The following SHISA9 variants were observed in gnomAD, a reference collection of about 807,000 sequenced individuals.
SHISA9 encodes the protein protein shisa-9.
In SHISA9, 13 loss-of-function variants were observed where a neutral mutation model predicts 38.0. That is an observed-to-expected ratio of 0.34 (90% CI 0.22 to 0.54). The LOEUF (loss-of-function observed/expected upper bound fraction) is 0.54. Ranked by LOEUF, SHISA9 falls within the 20% of genes least tolerant of loss-of-function variation. SHISA9 has a pLI of 0.91. For synonymous variants in SHISA9, 275 were observed against 242.0 expected, an observed-to-expected ratio of 1.14 and a Z score of -1.27; for missense variants, 538 against 575.8, an observed-to-expected ratio of 0.93 and a Z score of 0.67.
the SHISA9 span, among the ~76,000 whole-genome samples, chr16:13,428,906 C>T: frequency 6.6e-6 from 1 of 151,894 alleles, no homozygotes; most frequent in African/African-American, 2.4e-5. Context: ...GCTGGGATTA[C>T]AGGTGCATGC....
chr16:12,956,719 C>T (rs1391716114), intron 2 of SHISA9, among the ~76,000 whole-genome samples: 1 of 151,976 alleles, frequency 6.6e-6, no homozygotes, highest in Non-Finnish European at 1.5e-5. Context: ...CTGGGGACTC[C>T]AAAAGAGGGG....
rs2050700737 is a variant in SHISA9, at chr16:13,173,067, G to A, written c.692-30327G>A. On this transcript the variant is annotated intron_variant, in intron 2 of 4. Transcript: ENST00000558583. ...TCCCTTTTATCAAATGGAAAAAGGA[G>A]TTTGTTTCATTGAAAATACATTTTC... Among the ~76,000 whole-genome samples, 3 of 152,006 alleles carry A rather than the reference G, an allele frequency of 2.0e-5. No homozygotes were observed. The South Asian group carries it at 6.2e-4, about 31-fold the overall frequency.
chr16:13,449,784 C>A, the SHISA9 span, among the ~76,000 whole-genome samples: 1 of 152,110 alleles, frequency 6.6e-6, no homozygotes, highest in Non-Finnish European at 1.5e-5. Context: ...TTGTAGACAT[C>A]TTCTGGGGAG....
At chr16:12,968,012 A>C (rs1024422896) in intron 2 of SHISA9, among the ~76,000 whole-genome samples, 3 of 152,042 alleles carry the variant, frequency 2.0e-5, no homozygotes, top group Non-Finnish European at 4.4e-5. Context: ...CAACATGGTG[A>C]AACCTCATCT....
chr16:13,015,986 C>CTTCCCTTCTT, intron 2 of SHISA9, among the ~76,000 whole-genome samples: 1 of 35,072 alleles, frequency 2.9e-5, no homozygotes, highest in African/African-American at 1.1e-4. Context: ...CTTCCCTTCC[C>CTTCCCTTCTT]TTCTTTTCTT....
At chr16:13,481,713 C>T in the SHISA9 span, among the ~76,000 whole-genome samples, 2 of 152,154 alleles carry the variant, frequency 1.3e-5, no homozygotes, top group African/African-American at 2.4e-5. Flanking sequence ...TGAGTGAATG[C>T]CTTCTCTGGG....
intron 2 of SHISA9, among the ~76,000 whole-genome samples, chr16:13,057,378 TCC>T: frequency 6.6e-6 from 1 of 152,318 alleles, no homozygotes; most frequent in East Asian, 1.9e-4. Flanking sequence ...ATTCACCGTA[TCC>T]TAATTGCCTG....
chr16:13,331,702 G>A, the SHISA9 span: 2 of 152,074 alleles, frequency 1.3e-5, no homozygotes, highest in South Asian at 2.1e-4. Flanking sequence ...TCTCTTCAAG[G>A]ATGACTTCTC....
the SHISA9 span, among the ~76,000 whole-genome samples, chr16:13,402,176 G>A: frequency 2.0e-5 from 3 of 152,276 alleles, no homozygotes; most frequent in African/African-American, 7.2e-5. Flanking sequence ...ATTGGCTCAC[G>A]TGATTATGGA....
chr16:13,121,272 T>G (rs1596662038), intron 2 of SHISA9, among the ~76,000 whole-genome samples: 1 of 152,272 alleles, frequency 6.6e-6, no homozygotes, highest in Non-Finnish European at 1.5e-5. Context: ...GAGGATCACT[T>G]GAGCCCAGGA....
chr16:13,322,099 A>T, the SHISA9 span, among the ~76,000 whole-genome samples: 1 of 152,250 alleles, frequency 6.6e-6, no homozygotes, highest in Admixed American at 6.5e-5. Flanking sequence ...TTTAATTCTC[A>T]TAATAATATT....
chr16:12,914,333 C>T (rs937850335), intron 1 of SHISA9, among the ~76,000 whole-genome samples: 2 of 151,918 alleles, frequency 1.3e-5, no homozygotes, highest in Non-Finnish European at 2.9e-5. Flanking sequence ...CGTGAGCCAC[C>T]GTGCCCGGTA....
chr16:13,096,365 C>T (rs1031003201), intron 2 of SHISA9, among the ~76,000 whole-genome samples: 10 of 152,080 alleles, frequency 6.6e-5, no homozygotes, highest in African/African-American at 2.4e-4. Flanking sequence ...TCATCTCTGC[C>T]CTCAAGAAGC....
In SHISA9 at chr16:12,901,620, C is replaced by T. The variant is rs919061259; in HGVS notation, c.-445C>T. On this transcript the variant is annotated 5_prime_UTR_variant, in exon 1 of 5. Transcript: ENST00000558583. ...TTCATTCCACAAGTGTCGCTTCGCT[C>T]TCTTCAGCGCACTTGGCGAGCTGGT... is the stretch of plus-strand genomic sequence containing the variant. 1 of 149,350 alleles carries T rather than the reference C, an allele frequency of 6.7e-6. No homozygotes were observed. The highest frequency in any genetic ancestry group is 1.5e-5 in the Non-Finnish European group (1 of 67,118). The allele number at this position is 149,350 out of a possible 1,614,324, so 9.3% of individuals were successfully genotyped here. A position where few individuals can be genotyped will look rare whatever the true frequency, so the allele number is the denominator to read the frequency against.
intron 2 of SHISA9, among the ~76,000 whole-genome samples, chr16:12,986,180 C>T (rs1378260380): frequency 6.6e-6 from 1 of 152,136 alleles, no homozygotes; most frequent in East Asian, 1.9e-4. Flanking sequence ...TCTACAGAAC[C>T]CCATTGAAGA....
At chr16:13,546,793 A>G in the SHISA9 span, among the ~76,000 whole-genome samples, 1 of 152,310 alleles carries the variant, frequency 6.6e-6, no homozygotes, top group South Asian at 2.1e-4. Context: ...CTCTGTCAAT[A>G]GAAGATTTGA....
the SHISA9 span, among the ~76,000 whole-genome samples, chr16:13,438,820 A>T: frequency 6.6e-6 from 1 of 152,224 alleles, no homozygotes; most frequent in African/African-American, 2.4e-5. Flanking sequence ...TAGCCCAGAA[A>T]GGAAAAGACT....
At chr16:13,250,362 G>A in the SHISA9 span, among the ~76,000 whole-genome samples, 1 of 152,126 alleles carries the variant, frequency 6.6e-6, no homozygotes, top group Non-Finnish European at 1.5e-5. Flanking sequence ...TAGAATTTAT[G>A]ATTAATTGCA....
chr16:13,064,517 G>C (rs2073411572), intron 2 of SHISA9, among the ~76,000 whole-genome samples: 2 of 152,076 alleles, frequency 1.3e-5, no homozygotes, highest in South Asian at 4.1e-4. Flanking sequence ...CATTCCTTCA[G>C]CATATCAAAG....
Sources: gnomAD v4.1 joint callset for allele counts (sites outside exome capture counted in the v4.1 genomes callset) on GRCh38, gnomAD v4.1.1 for gene constraint, MANE v1.5 for transcripts, NCBI Gene and HGNC (gene_info 2026-07-23, HGNC 2026-07-21) for gene names.